Variants in MEFV observed in about 807,000 individuals in gnomAD.
MEFV encodes the protein pyrin.
A neutral mutation model predicts 62.5 loss-of-function variants in MEFV; 60 were observed. The ratio of observed to expected loss-of-function variants is 0.96; its 90% confidence interval spans 0.78 to 1.19. MEFV has a LOEUF of 1.19. Ranked by LOEUF, MEFV falls within the 50% of genes most tolerant of loss-of-function variation. MEFV has a pLI of 0.00. For synonymous variants in MEFV, 500 were observed against 415.2 expected (o/e 1.20, Z -2.48); for missense variants, 1,169 against 1,004.5 (o/e 1.16, Z -2.21).
At chr16:3,248,766 G>A (rs1958983348) in intron 4 of MEFV, 143 bp downstream of exon 4, 2 of 1,563,828 alleles carry the variant, frequency 1.3e-6, no homozygotes, top group East Asian at 2.3e-5. Context: ...GCTTACCCTT[G>A]GCTGCTGGTT....
Position 3,254,335 on chromosome 16 carries a change from C to G in MEFV, c.733G>C (p.Val245Leu). Residue 245 changes from valine (V) to leucine (L), a missense_variant, in exon 2 of 10, where the codon GTC becomes CTC. Transcript: ENST00000219596. Reference sequence around the variant, plus strand: ...GCCTTCTCCCCTGTAGAAATGGTGACCTCAAGGCTTCTAGGTCGCATCTTT... The same window carrying G: ...GCCTTCTCCCCTGTAGAAATGGTGAGCTCAAGGCTTCTAGGTCGCATCTTT... ...SGKMRPRSLE[V>L]TISTGEKAPA... is the part of the protein sequence containing the mutation. 1 of 1,614,226 alleles carries G rather than the reference C, an allele frequency of 6.2e-7. No homozygotes were observed. The highest frequency in any genetic ancestry group is 1.1e-5 in the South Asian group (1 of 91,086).
intron 2 of MEFV, among the ~76,000 whole-genome samples, chr16:3,250,683 A>G (rs1050765243): frequency 6.6e-6 from 1 of 151,300 alleles, no homozygotes; most frequent in Non-Finnish European, 1.5e-5. Context: ...CTACTCCAAG[A>G]CTCTAATTGC....
intron 5 of MEFV, 142 bp downstream of exon 5, chr16:3,246,874 T>C: frequency 2.4e-6 from 2 of 845,982 alleles, no homozygotes; most frequent in Non-Finnish European, 3.9e-6. Context: ...CAAGAGGCAC[T>C]GTGGGTCACC....
chr16:3,253,311 G>A (rs1442530268), intron 2 of MEFV, among the ~76,000 whole-genome samples: 1 of 152,054 alleles, frequency 6.6e-6, no homozygotes, highest in Non-Finnish European at 1.5e-5. Context: ...GAAGAAGCAT[G>A]CTGGGGACAG....
intron 6 of MEFV, 199 bp downstream of exon 6, chr16:3,246,326 C>T (rs1161989981): frequency 2.4e-5 from 15 of 624,550 alleles, no homozygotes; most frequent in South Asian, 1.9e-5. Flanking sequence ...GCTCCATACC[C>T]GGCCAGCCTC....
At chr16:3,253,244 GC>G (rs1401492160) in intron 2 of MEFV, among the ~76,000 whole-genome samples, 1 of 152,024 alleles carries the variant, frequency 6.6e-6, no homozygotes, top group Non-Finnish European at 1.5e-5. Context: ...TTGTTATAAG[GC>G]TAAAGGTCCC....
At chr16:3,244,621 C>A (rs557544409) in intron 6 of MEFV, 33 bp from the exon 7 acceptor site, 2 of 1,561,386 alleles carry the variant, frequency 1.3e-6, no homozygotes, top group Non-Finnish European at 1.8e-6. Context: ...CAGAGAAGGC[C>A]GGAGCGAGGG....
Position 3,242,261 on chromosome 16 carries a change from G to C in MEFV, c.*880C>G, listed in dbSNP as rs974414448. The C allele has an allele frequency of 3.6e-5, 7 of 193,448 alleles. No individual in the cohort carries two copies. The highest frequency in any genetic ancestry group is 6.7e-5 in the Non-Finnish European group (6 of 89,722). 12.0% of individuals were successfully genotyped at this position (193,448 alleles called of 1,614,324 possible). ...CGCCTGTAATCCCAGCTACTTCGGAGGCTGAGGCAGGAGAATCTCTTGAAC... is the reference window on the plus strand; with the variant it reads ...CGCCTGTAATCCCAGCTACTTCGGACGCTGAGGCAGGAGAATCTCTTGAAC... On this transcript the variant is annotated 3_prime_UTR_variant, in exon 10 of 10. Transcript: ENST00000219596.
intron 2 of MEFV, among the ~76,000 whole-genome samples, chr16:3,251,132 G>A (rs1324701882): frequency 6.6e-6 from 1 of 151,280 alleles, no homozygotes; most frequent in Non-Finnish European, 1.5e-5. Flanking sequence ...ATCTGTAAAT[G>A]AGACTGCTAG....
At position 3,243,064 on chromosome 16, in the gene MEFV, G is replaced by T; in HGVS notation, c.*77C>A. 1.3e-6 allele frequency: 2 copies of T among 1,510,644 alleles called. No individual in the cohort carries two copies. Among genetic ancestry groups the T allele is most frequent in the South Asian group, 2.3e-5 (2 of 88,418 alleles). 93.6% of individuals were successfully genotyped at this position (1,510,644 alleles called of 1,614,324 possible). A position where few individuals can be genotyped will look rare whatever the true frequency, so the allele number is the denominator to read the frequency against. On this transcript the variant is annotated 3_prime_UTR_variant, in exon 10 of 10. Coordinates refer to ENST00000219596, the MANE Select transcript of MEFV (RefSeq NM_000243.3). ...CATTTCCCATAGCAGCTAGCACCTA[G>T]TCGGCATTCCGTGACTATTGAGTGT...
intron 1 of MEFV, 38 bp downstream of exon 1, chr16:3,256,273 C>T: frequency 1.2e-6 from 2 of 1,608,506 alleles, no homozygotes; most frequent in Non-Finnish European, 1.7e-6. Context: ...GCAGCCAGCA[C>T]TCAGCACTGG....
chr16:3,255,638 C>G (rs957633056), intron 1 of MEFV, among the ~76,000 whole-genome samples: 1 of 151,890 alleles, frequency 6.6e-6, no homozygotes, highest in South Asian at 2.1e-4. Context: ...AACTCCTGAG[C>G]TCTAGCAATC....
intron 6 of MEFV, among the ~76,000 whole-genome samples, chr16:3,246,163 C>A (rs1272898076): frequency 6.6e-6 from 1 of 152,196 alleles, no homozygotes; most frequent in Non-Finnish European, 1.5e-5. Context: ...AGCCCAGCTC[C>A]ACTCCAAACA....
intron 1 of MEFV, 60 bp from the exon 2 acceptor site, chr16:3,254,850 A>G: frequency 6.2e-7 from 1 of 1,602,028 alleles, no homozygotes; most frequent in Non-Finnish European, 8.5e-7. Flanking sequence ...CCCAAGATTC[A>G]GGGCAGAGGA....
At chr16:3,244,409 G>C (rs1958908806) in intron 7 of MEFV, 64 bp downstream of exon 7, 1 of 1,591,052 alleles carries the variant, frequency 6.3e-7, no homozygotes, top group Non-Finnish European at 8.6e-7. Flanking sequence ...GAGGGGCTCT[G>C]GGCTATGTGG....
At position 3,256,445 on chromosome 16, in the gene MEFV, G is replaced by C. The variant is rs1959117046; in HGVS notation, c.143C>G (p.Ala48Gly). The change falls in exon 1 of 10, where the codon GCC becomes GGC. Residue 48 changes from alanine to glycine, a missense_variant. By Grantham distance (60) the Ala-to-Gly change is moderately conservative. Transcript: ENST00000219596. Reference protein sequence around the residue: ...SRIPRSQIQRARPVKMATLLV... With the variant: ...SRIPRSQIQRGRPVKMATLLV... ...CAGAGTGGCCATCTTCACCGGCCTG[G>C]CTCTCTGGATCTGGCTCCGGGGGAT... The C allele has an allele frequency of 6.2e-7, 1 of 1,614,128 alleles. No individual in the cohort carries two copies.
chr16:3,252,182 G>T (rs1959045191), intron 2 of MEFV: 2 of 180,886 alleles, frequency 1.1e-5, no homozygotes, highest in Non-Finnish European at 2.4e-5. Context: ...TTTCTCACTG[G>T]AAGACCCAGG....
At chr16:3,244,154 GTTTT>G in intron 8 of MEFV, 96 bp downstream of exon 8, 1 of 1,458,958 alleles carries the variant, frequency 6.9e-7, no homozygotes, top group Non-Finnish European at 9.4e-7. Flanking sequence ...CAGGTGTTTG[GTTTT>G]TTTTTTTGTC....
In MEFV at chr16:3,243,530, G is replaced by C; in HGVS notation, c.1957C>G (p.Arg653Gly). Residue 653 changes from arginine to glycine, a missense_variant, in exon 10 of 10, where the codon CGT (arginine) becomes GGT (glycine). Arg to Gly is a moderately radical substitution (Grantham distance 125). Coordinates refer to ENST00000219596, the MANE Select transcript of MEFV (RefSeq NM_000243.3). ...TCTCCAACCTCCACCTCCCAGTAAC[G>C]GCGGCCAGAGAGGAAACTCGGAGAG... ...LGSPSFLSGR[R>G]YWEVEVGDKT... 6.2e-7 allele frequency: 1 copy of C among 1,613,660 alleles called. No individual in the cohort carries two copies. Among genetic ancestry groups the C allele is most frequent in the Non-Finnish European group, 8.5e-7 (1 of 1,179,798 alleles).
Sources: gnomAD v4.1 joint callset for allele counts (sites outside exome capture counted in the v4.1 genomes callset) on GRCh38, gnomAD v4.1.1 for gene constraint, MANE v1.5 for transcripts, NCBI Gene and HGNC (gene_info 2026-07-23, HGNC 2026-07-21) for gene names.